Variants in SLC24A2 observed in about 807,000 individuals in gnomAD.
The protein encoded by SLC24A2 is sodium/potassium/calcium exchanger 2.
In SLC24A2, 36 loss-of-function variants were observed where a neutral mutation model predicts 62.0. The observed-to-expected ratio is 0.58, with a 90% CI of 0.44 to 0.77. The LOEUF is 0.77. Among genes scored for constraint, SLC24A2 ranks in the 30% least tolerant of loss-of-function variants. The pLI, the probability that SLC24A2 is intolerant of heterozygous loss-of-function variation, is 0.00. For missense variants in SLC24A2, 846 were observed against 817.9 expected (o/e 1.03, Z -0.42); for synonymous variants, 358 against 294.0 (o/e 1.22, Z -2.23).
At chr9:19,550,646 A>T (rs1395149356) in intron 7 of SLC24A2, among the ~76,000 whole-genome samples, 1 of 151,836 alleles carries the variant, frequency 6.6e-6, no homozygotes, top group Non-Finnish European at 1.5e-5. Context: ...TTGAAGACAG[A>T]GTCACAAGCT....
At chr9:20,090,390 A>C in the SLC24A2 span, among the ~76,000 whole-genome samples, 1 of 152,156 alleles carries the variant, frequency 6.6e-6, no homozygotes, top group Non-Finnish European at 1.5e-5. Flanking sequence ...TGGGAGTGCC[A>C]AGTTGCGATC....
intron 2 of SLC24A2, among the ~76,000 whole-genome samples, chr9:19,704,636 C>T (rs879301456): frequency 6.6e-6 from 1 of 152,046 alleles, no homozygotes; most frequent in African/African-American, 2.4e-5. Context: ...AGAGGCTGAA[C>T]TGGAAGAAAA....
chr9:19,700,255 A>T (rs1346009546), intron 2 of SLC24A2, among the ~76,000 whole-genome samples: 1 of 152,118 alleles, frequency 6.6e-6, no homozygotes, highest in African/African-American at 2.4e-5. Context: ...TAGAGATATT[A>T]CTGGCTTCTT....
the SLC24A2 span, among the ~76,000 whole-genome samples, chr9:19,925,626 T>A: frequency 6.6e-6 from 1 of 152,008 alleles, no homozygotes. Context: ...GAAAAAAAAA[T>A]TGACCAGAAC....
intron 8 of SLC24A2, among the ~76,000 whole-genome samples, chr9:19,535,678 T>C (rs1833928732): frequency 1.3e-5 from 2 of 152,222 alleles, no homozygotes; most frequent in Admixed American, 6.5e-5. Flanking sequence ...TGTGGTGTTA[T>C]TTCTGAGGCC....
At chr9:19,998,183 G>C in the SLC24A2 span, among the ~76,000 whole-genome samples, 1 of 152,144 alleles carries the variant, frequency 6.6e-6, no homozygotes, top group Non-Finnish European at 1.5e-5. Flanking sequence ...CCATTTTAGA[G>C]ATGGGAGATT....
the SLC24A2 span, among the ~76,000 whole-genome samples, chr9:20,281,930 T>TGAAG: frequency 6.6e-6 from 1 of 152,230 alleles, no homozygotes; most frequent in African/African-American, 2.4e-5. Context: ...TAGTCTTTGT[T>TGAAG]GAACACTGGC....
chr9:19,573,783 C>T (rs1043100980), intron 6 of SLC24A2, among the ~76,000 whole-genome samples: 1 of 152,064 alleles, frequency 6.6e-6, no homozygotes, highest in Non-Finnish European at 1.5e-5. Flanking sequence ...CTTGGGTGCC[C>T]TATCAGCTCC....
the SLC24A2 span, among the ~76,000 whole-genome samples, chr9:19,862,671 C>G: frequency 6.6e-6 from 1 of 151,642 alleles, no homozygotes; most frequent in Non-Finnish European, 1.5e-5. Context: ...ACAGTAACAA[C>G]AAAAAAATTA....
the SLC24A2 span, among the ~76,000 whole-genome samples, chr9:19,870,198 A>C: frequency 1.3e-5 from 2 of 151,948 alleles, no homozygotes; most frequent in Non-Finnish European, 2.9e-5. Flanking sequence ...CCCTCCCCTT[A>C]GTTTCTGGAA....
At chr9:19,804,945 G>C in the SLC24A2 span, among the ~76,000 whole-genome samples, 1 of 152,120 alleles carries the variant, frequency 6.6e-6, no homozygotes, top group Non-Finnish European at 1.5e-5. Context: ...TTGACTTTCA[G>C]ATGGTAGGAG....
the SLC24A2 span, among the ~76,000 whole-genome samples, chr9:20,165,985 C>T: frequency 1.6e-4 from 25 of 151,784 alleles, no homozygotes; most frequent in African/African-American, 6.0e-4. Flanking sequence ...GGAAAAAAGA[C>T]ATGAGCAAAA....
At chr9:20,011,100 T>C in the SLC24A2 span, among the ~76,000 whole-genome samples, 1 of 152,190 alleles carries the variant, frequency 6.6e-6, no homozygotes, top group South Asian at 2.1e-4. Context: ...AGCAGCATGA[T>C]TTATAATCCT....
the SLC24A2 span, among the ~76,000 whole-genome samples, chr9:20,141,638 C>T: frequency 6.6e-6 from 1 of 151,632 alleles, no homozygotes; most frequent in African/African-American, 2.4e-5. Context: ...CACCACACAC[C>T]CTTTCTAAGA....
the SLC24A2 span, among the ~76,000 whole-genome samples, chr9:20,196,385 A>G: frequency 6.6e-6 from 1 of 152,244 alleles, no homozygotes; most frequent in African/African-American, 2.4e-5. Context: ...TTTTCTAACT[A>G]GTGAGTTTCA....
rs190441051 is a variant in SLC24A2 at position 19,520,843 on chromosome 9, A to G, written c.1736+51T>C. 7.6e-6 allele frequency: 12 copies of G among 1,577,404 alleles called. No homozygotes were observed. The Admixed American group carries it at 2.0e-4, about 26-fold the overall frequency. The stretch of plus-strand genomic sequence containing the variant: ...ATGTCTTTCCAGCTTCTAAGAAGAC[A>G]AAGACACTGGTGGAGCTGGTGCACA... On this transcript the variant is annotated intron_variant, in intron 10 of 10. Transcript: ENST00000341998.
At chr9:19,874,917 T>G in the SLC24A2 span, among the ~76,000 whole-genome samples, 1 of 151,926 alleles carries the variant, frequency 6.6e-6, no homozygotes, top group South Asian at 2.1e-4. Context: ...TTCTCCTCAA[T>G]TTACAGAAGC....
chr9:20,186,460 C>T, the SLC24A2 span, among the ~76,000 whole-genome samples: 1 of 152,104 alleles, frequency 6.6e-6, no homozygotes, highest in East Asian at 1.9e-4. Flanking sequence ...TGGATGGCTA[C>T]CCCCAGATTC....
chr9:19,613,370 G>C (rs1170936870), intron 4 of SLC24A2, among the ~76,000 whole-genome samples: 2 of 152,214 alleles, frequency 1.3e-5, no homozygotes, highest in African/African-American at 4.8e-5. Flanking sequence ...AGAAGCTTTA[G>C]AAGCAGTTCA....
Sources: allele counts gnomAD v4.1 joint callset (sites outside exome capture counted in the v4.1 genomes callset), GRCh38; gene constraint gnomAD v4.1.1; transcripts MANE v1.5; gene names NCBI Gene and HGNC (gene_info 2026-07-23, HGNC 2026-07-21).